Variants in RGPD3 observed in about 807,000 individuals in gnomAD.
The protein encoded by RGPD3 is RANBP2 like and GRIP domain containing 3.
A neutral mutation model predicts 154.5 loss-of-function variants in RGPD3; 62 were observed. The observed-to-expected ratio is 0.40, with a 90% confidence interval of 0.33 to 0.50. The LOEUF is 0.50. Among genes scored for constraint, RGPD3 ranks in the 20% least tolerant of loss-of-function variants. The pLI, the probability that RGPD3 is intolerant of heterozygous loss-of-function variation, is 0.59. For missense variants in RGPD3, 919 were observed against 1,716.8 expected (o/e 0.54, Z 8.21); for synonymous variants, 308 against 607.0 (o/e 0.51, Z 7.24).
intron 22 of RGPD3, among the ~76,000 whole-genome samples, chr2:106,406,841 T>C (rs1193270115): frequency 1.3e-5 from 2 of 152,224 alleles, no homozygotes; most frequent in Admixed American, 1.3e-4. Context: ...AGTTTGACCT[T>C]AGGCAGAGTA....
intron 20 of RGPD3, among the ~76,000 whole-genome samples, chr2:106,420,619 A>T (rs1353589682): frequency 6.6e-6 from 1 of 152,290 alleles, no homozygotes. Context: ...AAAAACAATA[A>T]TGTAAAATAT....
In RGPD3 at chr2:106,440,202, G is replaced by T. The variant is rs1175099980; in HGVS notation, c.1067-1025C>A. Among the ~76,000 whole-genome samples, 24 of 104,634 alleles carry T rather than the reference G, an allele frequency of 2.3e-4. No individual in the cohort carries two copies. The Admixed American group carries it at 2.5e-3, about 11-fold the overall frequency. The allele number at this position is 104,634 out of a possible 152,430, so 68.6% of individuals were successfully genotyped here. ...TGAAAATCTTCTAAAACTGACTGTG[G>T]TGACAGTGATAATACTCTATGAACA... On this transcript the variant is annotated intron_variant, in intron 8 of 22. Coordinates refer to ENST00000409886, the MANE Select transcript of RGPD3 (RefSeq NM_001144013.2).
At position 106,456,989 on chromosome 2, in the gene RGPD3, A is replaced by G. The variant is rs1452824629; in HGVS notation, c.387T>C (p.Pro129=). 1 of 1,610,960 alleles carries G rather than the reference A, an allele frequency of 6.2e-7. No homozygotes were observed. The highest frequency in any genetic ancestry group is 1.3e-5 in the African/African-American group (1 of 74,762). Residue 129 remains proline (P), a synonymous_variant, in exon 4 of 23, where the codon CCT becomes CCC. Transcript: ENST00000409886. Reference sequence around the variant, plus strand: ...TGTTTACCTTTAGTTTATAAATTGCAGGACTTCCTGGGAAAAGTTTTGCTG... The same window carrying G: ...TGTTTACCTTTAGTTTATAAATTGCGGGACTTCCTGGGAAAAGTTTTGCTG... ...ERAAKLFPGS[P]AIYKLKEQLL...
chr2:106,421,356 TTTAAG>T (rs1299671053), intron 20 of RGPD3, among the ~76,000 whole-genome samples: 1 of 152,076 alleles, frequency 6.6e-6, no homozygotes, highest in Non-Finnish European at 1.5e-5. Flanking sequence ...TACATCCACT[TTTAAG>T]TTAACACTTT....
Position 106,415,888 on chromosome 2 carries a change from T to C in RGPD3, c.5026A>G (p.Ile1676Val), listed in dbSNP as rs543570657. The change falls in exon 21 of 23, where the codon ATA becomes GTA. Residue 1676 changes from isoleucine (I) to valine (V), a missense_variant. Transcript: ENST00000409886. ...ADHLNGLLRE[I>V]EATNAVLMEQ... Reference sequence around the variant, plus strand: ...ATAAGGACTGCATTGGTTGCCTCTATTTCCCGAAGCAGGCCGTTTAAGTGA... The same window carrying C: ...ATAAGGACTGCATTGGTTGCCTCTACTTCCCGAAGCAGGCCGTTTAAGTGA... The C allele has an allele frequency of 9.7e-5, 156 of 1,611,802 alleles. 4 individuals are homozygous for C. In the South Asian group the frequency reaches 1.4e-3, roughly 15 times the overall value.
At chr2:106,449,235 C>A (rs1451241974) in intron 6 of RGPD3, among the ~76,000 whole-genome samples, 7 of 149,828 alleles carry the variant, frequency 4.7e-5, no homozygotes, top group Admixed American at 4.0e-4. Context: ...GAGGCTGAGG[C>A]GGGTGGATCA....
chr2:106,465,990 G>C (rs1166607897), intron 1 of RGPD3, among the ~76,000 whole-genome samples: 149 of 152,138 alleles, frequency 9.8e-4, no homozygotes, highest in African/African-American at 3.4e-3. Flanking sequence ...GGTTCCTCCA[G>C]GCCAAGGAGG....
At chr2:106,437,799 T>A (rs1280714174) in intron 9 of RGPD3, among the ~76,000 whole-genome samples, 1 of 151,836 alleles carries the variant, frequency 6.6e-6, no homozygotes, top group Non-Finnish European at 1.5e-5. Flanking sequence ...AAAGATTATA[T>A]TGCCAATAAA....
rs576676264 is a variant in RGPD3, at chr2:106,468,227, G to A, written c.62C>T (p.Ser21Leu). The change falls in exon 1 of 23, where the codon TCG becomes TTG. Residue 21 changes from serine (S) to leucine (L), a missense_variant. Transcript: ENST00000409886. ...YVASVQGSAP[S>L]PRKKSTRGFY... Reference sequence around the variant, plus strand: ...TCCAGACCCACTCACCTTTCGAGGCGACGGGGCGGAGCCCTGCACCGAGGC... The same window carrying A: ...TCCAGACCCACTCACCTTTCGAGGCAACGGGGCGGAGCCCTGCACCGAGGC... 5.6e-6 allele frequency: 9 copies of A among 1,606,066 alleles called. No homozygotes were observed. Among genetic ancestry groups the A allele is most frequent in the Non-Finnish European group, 7.6e-6 (9 of 1,177,526 alleles).
chr2:106,448,836 G>T (rs1187172776), intron 6 of RGPD3, among the ~76,000 whole-genome samples: 3 of 151,344 alleles, frequency 2.0e-5, no homozygotes, highest in African/African-American at 7.3e-5. Flanking sequence ...GACTATAGGC[G>T]CGTACCAACA....
Position 106,438,959 on chromosome 2 carries a change from A to G in RGPD3, c.1276+9T>C. The stretch of plus-strand genomic sequence containing the variant: ...ACGGAGACCATTTCCTCTGAAACAT[A>G]TAACTTACCAACATCGTATCTAGCC... On this transcript the variant is annotated intron_variant, in intron 9 of 22. Coordinates refer to ENST00000409886, the MANE Select transcript of RGPD3 (RefSeq NM_001144013.2). 3.7e-6 allele frequency: 1 copy of G among 268,556 alleles called. No individual in the cohort carries two copies. 16.6% of individuals were successfully genotyped at this position (268,556 alleles called of 1,614,324 possible).
chr2:106,440,484 C>T (rs1330623486), intron 8 of RGPD3, among the ~76,000 whole-genome samples: 1 of 150,616 alleles, frequency 6.6e-6, no homozygotes, highest in African/African-American at 2.5e-5. Context: ...GAGAGCCCTG[C>T]AAGGGTAGAA....
chr2:106,464,532 T>C (rs1376330928), intron 1 of RGPD3, among the ~76,000 whole-genome samples: 51 of 151,188 alleles, frequency 3.4e-4, no homozygotes, highest in Admixed American at 8.6e-4. Flanking sequence ...GGATCATTTA[T>C]GCCCAAAAAT....
At chr2:106,468,543 C>T (rs946393889), upstream of RGPD3, among the ~76,000 whole-genome samples, 1 of 152,196 alleles carries the variant, frequency 6.6e-6, no homozygotes, top group African/African-American at 2.4e-5. Flanking sequence ...CCGTGGCTCA[C>T]GCCTGTAATC....
At chr2:106,462,111 G>A (rs1056514521) in intron 1 of RGPD3, among the ~76,000 whole-genome samples, 5 of 152,174 alleles carry the variant, frequency 3.3e-5, no homozygotes, top group African/African-American at 4.8e-5. Context: ...TCGCTCTCTC[G>A]ACCTTGTAAT....
rs1677504632 is a variant in RGPD3, at chr2:106,435,119, CA to C, written c.1841del (p.Leu614Ter). Reference protein sequence around the residue: ...VHYWKKVLPLLKIIKKKNSIP... With the variant: ...VHYWKKVLPLXKIIKKKNSIP... ...TACTGTTCTTCTTTTTTATTATCTT[CA>C]ACAATGGCAAAACTTTCTTCCAATA... On this transcript the variant is annotated frameshift_variant, in exon 13 of 23. Transcript: ENST00000409886. LOFTEE classifies it high-confidence loss of function. The C allele has an allele frequency of 2.5e-6, 2 of 801,878 alleles. No homozygotes were observed. The highest frequency in any genetic ancestry group is 4.1e-6 in the Non-Finnish European group (2 of 491,482). 49.7% of individuals were successfully genotyped at this position (801,878 alleles called of 1,614,324 possible).
At position 106,456,990 on chromosome 2, in the gene RGPD3, G is replaced by A. The variant is rs371970244; in HGVS notation, c.386C>T (p.Pro129Leu). Residue 129 changes from proline to leucine, a missense_variant, in exon 4 of 23, where the codon CCT (proline) becomes CTT (leucine). Coordinates refer to ENST00000409886, the MANE Select transcript of RGPD3 (RefSeq NM_001144013.2). ...GTTTACCTTTAGTTTATAAATTGCA[G>A]GACTTCCTGGGAAAAGTTTTGCTGC... is the stretch of plus-strand genomic sequence containing the variant. Reference protein sequence around the residue: ...ERAAKLFPGSPAIYKLKEQLL... With the variant: ...ERAAKLFPGSLAIYKLKEQLL... The A allele has an allele frequency of 8.9e-5, 144 of 1,611,024 alleles. No individual in the cohort carries two copies. In the African/African-American group the frequency reaches 1.7e-3, roughly 19 times the overall value.
rs879954195 is a variant in RGPD3 at position 106,414,420 on chromosome 2, T to C, written c.5065-1135A>G. ...AGGCAGATCACGAGGTCAGGAGATT[T>C]AGACCATCCTGGCCAACATGGTGAA... On this transcript the variant is annotated intron_variant, in intron 21 of 22. Transcript: ENST00000409886. Among the ~76,000 whole-genome samples, 16 of 152,082 alleles carry C rather than the reference T, an allele frequency of 1.1e-4. No individual in the cohort carries two copies. The East Asian group carries it at 1.6e-3, about 15-fold the overall frequency.
Position 106,424,197 on chromosome 2 carries a change from T to C in RGPD3, c.3770A>G (p.Asp1257Gly), listed in dbSNP as rs769762999. 1.4e-5 allele frequency: 22 copies of C among 1,611,812 alleles called. No individual in the cohort carries two copies. In the African/African-American group the frequency reaches 2.8e-4, roughly 21 times the overall value. Residue 1257 changes from aspartate to glycine, a missense_variant, in exon 20 of 23, where the codon GAT (aspartate) becomes GGT (glycine). Transcript: ENST00000409886. ...LEWDNYDLRE[D>G]ALDDSVSSSS... ...ACTACTGACACTATCATCCAAAGCA[T>C]CTTCCCTTAAATCATAGTTATCCCA...
Sources: allele counts gnomAD v4.1 joint callset (sites outside exome capture counted in the v4.1 genomes callset), GRCh38; gene constraint gnomAD v4.1.1; transcripts MANE v1.5; gene names NCBI Gene and HGNC (gene_info 2026-07-23, HGNC 2026-07-21).